The following DGKI variants were observed in gnomAD, a reference collection of about 807,000 sequenced individuals.
The protein encoded by DGKI is DAG kinase iota.
DGKI carries 55 observed loss-of-function variants against 147.5 expected under a neutral mutation model. The observed-to-expected ratio is 0.37, with a 90% confidence interval of 0.30 to 0.47. The LOEUF is 0.47. DGKI is among the 20% of genes least tolerant of loss of function. The probability of loss-of-function intolerance (pLI) is 1.00; values close to 1 mark genes in which losing one functional copy is unlikely to be tolerated. For synonymous variants in DGKI, 469 were observed against 477.1 expected, an observed-to-expected ratio of 0.98 and a Z score of 0.22; for missense variants, 1,007 against 1,323.8, an observed-to-expected ratio of 0.76 and a Z score of 3.71.
intron 1 of DGKI, among the ~76,000 whole-genome samples, chr7:137,767,481 A>G (rs867214497): frequency 1.5e-5 from 2 of 134,580 alleles, no homozygotes; most frequent in African/African-American, 6.0e-5. Flanking sequence ...GGAAGAGAAG[A>G]GAAGAGAAGA....
At chr7:137,481,766 T>C (rs1228027049) in intron 23 of DGKI, among the ~76,000 whole-genome samples, 1 of 152,046 alleles carries the variant, frequency 6.6e-6, no homozygotes, top group Non-Finnish European at 1.5e-5. Context: ...GTGTACACCT[T>C]TCTAAATGCT....
chr7:137,720,068 A>C lies in DGKI; in HGVS notation c.402-30066T>G, dbSNP rs116625809. 6.6e-3 allele frequency among the ~76,000 whole-genome samples: 1,010 copies of C among 152,196 alleles called. 9 individuals carry two copies. Among genetic ancestry groups the C allele is most frequent in the African/African-American group, 0.023 (972 of 41,510 alleles). ...TGTATTCTTCTTGCTTATAGTGTGC[A>C]TTCATTTTGCAGACGATTCTCACAT... On this transcript the variant is annotated intron_variant, in intron 1 of 32. Transcript: ENST00000614521.
intron 5 of DGKI, among the ~76,000 whole-genome samples, chr7:137,651,313 CAGTT>C (rs766570337): frequency 1.3e-5 from 2 of 152,014 alleles, no homozygotes; most frequent in Non-Finnish European, 2.9e-5. Context: ...GAATTGGAGA[CAGTT>C]GGATGGATTT....
intron 1 of DGKI, among the ~76,000 whole-genome samples, chr7:137,788,276 C>G (rs1433191560): frequency 6.6e-6 from 1 of 152,076 alleles, no homozygotes; most frequent in East Asian, 1.9e-4. Flanking sequence ...ACTGGACGGT[C>G]CAACTTGATG....
intron 1 of DGKI, among the ~76,000 whole-genome samples, chr7:137,799,679 C>G (rs986564469): frequency 6.6e-6 from 1 of 152,152 alleles, no homozygotes; most frequent in East Asian, 1.9e-4. Flanking sequence ...CTAAGGAAAA[C>G]TGATCAAAAT....
At chr7:137,416,882 T>C (rs539872733) in intron 28 of DGKI, among the ~76,000 whole-genome samples, 25 of 152,270 alleles carry the variant, frequency 1.6e-4, no homozygotes, top group African/African-American at 5.8e-4. Context: ...TTGTACTGGA[T>C]GTGAAAAGCA....
chr7:137,558,251 T>C (rs111964424), intron 19 of DGKI, among the ~76,000 whole-genome samples: 16,580 of 152,074 alleles, frequency 0.11, 2,030 homozygotes, highest in African/African-American at 0.3. Flanking sequence ...AATTAACATT[T>C]CTAGGCACTG....
intron 27 of DGKI, among the ~76,000 whole-genome samples, chr7:137,455,818 A>G (rs985982559): frequency 6.6e-6 from 1 of 152,118 alleles, no homozygotes; most frequent in Admixed American, 6.5e-5. Context: ...ATTTCCAGTG[A>G]TAATATGACA....
intron 23 of DGKI, among the ~76,000 whole-genome samples, chr7:137,472,313 C>T (rs1312879555): frequency 3.8e-5 from 3 of 79,062 alleles, no homozygotes; most frequent in Non-Finnish European, 6.1e-5. Flanking sequence ...TGTGTATATA[C>T]ATATAATTAT....
intron 23 of DGKI, among the ~76,000 whole-genome samples, chr7:137,476,450 A>C (rs1323369962): frequency 6.6e-6 from 1 of 152,138 alleles, no homozygotes; most frequent in Non-Finnish European, 1.5e-5. Flanking sequence ...TATTTCATCT[A>C]CTGAATAATT....
In DGKI at chr7:137,762,988, C is replaced by T. The variant is rs142434221; in HGVS notation, c.402-72986G>A. Among the ~76,000 whole-genome samples, 512 of 152,310 alleles carry T rather than the reference C, an allele frequency of 3.4e-3. 2 individuals carry two copies. The highest frequency in any genetic ancestry group is 0.011 in the African/African-American group (455 of 41,572). On this transcript the variant is annotated intron_variant, in intron 1 of 32. Coordinates refer to ENST00000614521, the MANE Select transcript of DGKI (RefSeq NM_001321708.2). The stretch of plus-strand genomic sequence containing the variant: ...TGGCCTCATCCAAAGTATTCATTTT[C>T]CCTCCCAATTTCATATCACTTAGCA...
At position 137,846,802 on chromosome 7, in the gene DGKI, G is replaced by C; in HGVS notation, c.61C>G (p.Arg21Gly). The change falls in exon 1 of 33, where the codon CGC becomes GGC. Residue 21 changes from arginine (R) to glycine (G), a missense_variant. Arg to Gly is a moderately radical substitution (Grantham distance 125, BLOSUM62 -2). Coordinates refer to ENST00000614521, the MANE Select transcript of DGKI (RefSeq NM_001321708.2). This position sits in a 1 kb window ranked among gnomAD's most constrained non-coding sequence, Gnocchi z 4.0. ...LPLPAARGPA[R>G]APAAAAAAAA... ...GCGGCGGCGGCGGCTGCAGGAGCGCGGGCAGGTCCGCGCGCCGCTGGCAGG... is the reference window on the plus strand; with the variant it reads ...GCGGCGGCGGCGGCTGCAGGAGCGCCGGCAGGTCCGCGCGCCGCTGGCAGG... 8.9e-7 allele frequency: 1 copy of C among 1,121,564 alleles called. No homozygotes were observed. The highest frequency in any genetic ancestry group is 1.1e-6 in the Non-Finnish European group (1 of 917,752). The allele number at this position is 1,121,564 out of a possible 1,614,324, so 69.5% of individuals were successfully genotyped here.
intron 1 of DGKI, among the ~76,000 whole-genome samples, chr7:137,816,766 G>C (rs890201586): frequency 6.6e-6 from 1 of 152,188 alleles, no homozygotes; most frequent in Non-Finnish European, 1.5e-5. Context: ...TGACAATAGG[G>C]GGTGAGTAAG....
At chr7:137,427,171 G>A (rs1043581416) in intron 28 of DGKI, among the ~76,000 whole-genome samples, 3 of 152,056 alleles carry the variant, frequency 2.0e-5, no homozygotes, top group African/African-American at 4.8e-5. Flanking sequence ...CTCAGCAAAT[G>A]TAAAAGAACA....
At chr7:137,465,415 C>T (rs1022115352) in intron 26 of DGKI, among the ~76,000 whole-genome samples, 2 of 152,130 alleles carry the variant, frequency 1.3e-5, no homozygotes, top group Non-Finnish European at 2.9e-5. Flanking sequence ...AGAAAATAAG[C>T]ACAGAGCACT....
intron 3 of DGKI, among the ~76,000 whole-genome samples, chr7:137,665,735 GTGT>G (rs1259989591): frequency 2.0e-5 from 3 of 152,110 alleles, no homozygotes; most frequent in African/African-American, 4.8e-5. Flanking sequence ...CAGTGCCTGT[GTGT>G]TGTTGTTTGA....
intron 20 of DGKI, among the ~76,000 whole-genome samples, chr7:137,527,493 T>G (rs1369070991): frequency 6.6e-6 from 1 of 152,056 alleles, no homozygotes; most frequent in Non-Finnish European, 1.5e-5. Flanking sequence ...GTTTGCAAGT[T>G]TTTTTTTACT....
At chr7:137,524,891 C>A (rs1240802124) in intron 20 of DGKI, among the ~76,000 whole-genome samples, 3 of 152,086 alleles carry the variant, frequency 2.0e-5, no homozygotes, top group African/African-American at 7.2e-5. Flanking sequence ...GACTGCTGAC[C>A]AGTTCCTGGA....
At chr7:137,509,649 G>A (rs1385841807) in intron 21 of DGKI, among the ~76,000 whole-genome samples, 3 of 152,106 alleles carry the variant, frequency 2.0e-5, no homozygotes, top group Non-Finnish European at 4.4e-5. Context: ...TGATGATGGA[G>A]GACAAAGACC....
Sources: gnomAD v4.1 joint callset for allele counts (sites outside exome capture counted in the v4.1 genomes callset) on GRCh38, gnomAD v4.1.1 for gene constraint, Gnocchi (gnomAD v3.1) non-coding constraint, MANE v1.5 for transcripts, NCBI Gene and HGNC (gene_info 2026-07-23, HGNC 2026-07-21) for gene names.